The following AGT variants were observed in gnomAD, a reference collection of about 807,000 sequenced individuals.
AGT encodes angiotensinogen, also known as alpha-1 antiproteinase, antitrypsin.
In AGT, 26 loss-of-function variants were observed where a neutral mutation model predicts 28.1. That is an observed-to-expected ratio of 0.92 (90% CI 0.68 to 1.28). The LOEUF is 1.28. Ranked by LOEUF, AGT falls within the 50% of genes most tolerant of loss-of-function variation. The pLI is 0.00. For missense variants in AGT, 596 were observed against 592.3 expected (o/e 1.01, Z -0.06); for synonymous variants, 259 against 259.6 (o/e 1.00, Z 0.02).
rs112290178 is a variant in AGT, at chr1:230,734,406, T to C, written c.-31+11109A>G. ...GCTGGGGGAGGGGAGAATGGGGAGA[T>C]TTTGCTTAATGGGCACAGAATTTCA... On this transcript the variant is annotated intron_variant, in intron 1 of 4. Coordinates refer to the AGT transcript ENST00000681269. 1.6e-3 allele frequency among the ~76,000 whole-genome samples: 246 copies of C among 152,016 alleles called. 3 individuals carry two copies. The highest frequency in any genetic ancestry group is 5.8e-3 in the African/African-American group (239 of 41,444).
At chr1:230,712,766 C>T (rs1663632976) in intron 1 of AGT, among the ~76,000 whole-genome samples, 1 of 152,212 alleles carries the variant, frequency 6.6e-6, no homozygotes, top group South Asian at 2.1e-4. Flanking sequence ...TCTGCGGCTG[C>T]TCCCTAGGCT....
In AGT at chr1:230,704,345, G is replaced by C; in HGVS notation, c.1098-8C>G. Reference sequence around the variant, plus strand: ...ATGGTCAGGTGGATGGTCCTGGGGAGATGATGCACAGTTAGGAAGGCTCCA... The same window carrying C: ...ATGGTCAGGTGGATGGTCCTGGGGACATGATGCACAGTTAGGAAGGCTCCA... On this transcript the variant is annotated splice_region_variant and splice_polypyrimidine_tract_variant and intron_variant, in intron 3 of 4. Coordinates refer to ENST00000366667, the MANE Select transcript of AGT (RefSeq NM_001384479.1). 1 of 1,614,068 alleles carries C rather than the reference G, an allele frequency of 6.2e-7. No homozygotes were observed. Among genetic ancestry groups the C allele is most frequent in the Non-Finnish European group, 8.5e-7 (1 of 1,179,984 alleles).
chr1:230,744,890 T>G (rs1188454731), intron 1 of AGT, among the ~76,000 whole-genome samples: 1 of 152,198 alleles, frequency 6.6e-6, no homozygotes, highest in Non-Finnish European at 1.5e-5. Context: ...TTGAAGGGGA[T>G]GCTCCCAGAG....
intron 1 of AGT, among the ~76,000 whole-genome samples, chr1:230,725,528 T>C (rs1571984151): frequency 1.3e-5 from 2 of 152,322 alleles, no homozygotes; most frequent in South Asian, 4.1e-4. Context: ...CTGCTCACCA[T>C]TTAATAAGTT....
chr1:230,726,274 C>T (rs2102800510), intron 1 of AGT, among the ~76,000 whole-genome samples: 1 of 152,180 alleles, frequency 6.6e-6, no homozygotes, highest in Non-Finnish European at 1.5e-5. Context: ...GTTATTTTCC[C>T]CCATTTTATT....
chr1:230,706,321 C>T (rs1663387323), intron 2 of AGT, 121 bp from the exon 3 acceptor site: 5 of 1,132,478 alleles, frequency 4.4e-6, no homozygotes, highest in South Asian at 1.5e-5. Context: ...CCTTCCTTGG[C>T]CCCCCCCAGG....
intron 1 of AGT, among the ~76,000 whole-genome samples, chr1:230,726,554 G>A (rs1663945995): frequency 6.6e-6 from 1 of 151,830 alleles, no homozygotes; most frequent in Non-Finnish European, 1.5e-5. Context: ...AGGTGGGAGA[G>A]GGCTCTATTT....
At chr1:230,711,816 TAAAAAA>T (rs58359338) in intron 1 of AGT, among the ~76,000 whole-genome samples, 1 of 136,276 alleles carries the variant, frequency 7.3e-6, no homozygotes, top group African/African-American at 2.6e-5. Flanking sequence ...GGACCACGTA[TAAAAAA>T]AAAAAAAAAA....
chr1:230,703,490 C>G (rs895513639), intron 4 of AGT, among the ~76,000 whole-genome samples, 161 bp from the exon 5 acceptor site: 1 of 152,144 alleles, frequency 6.6e-6, no homozygotes, highest in Non-Finnish European at 1.5e-5. Context: ...GTATGCCTGC[C>G]CCTCAGTGTA....
At chr1:230,712,723 G>A (rs1423501756) in intron 1 of AGT, among the ~76,000 whole-genome samples, 4 of 152,206 alleles carry the variant, frequency 2.6e-5, no homozygotes, top group African/African-American at 9.6e-5. Context: ...GGCCATTTTT[G>A]AGGCAGAGAC....
Position 230,732,829 on chromosome 1 carries a change from G to A in AGT, c.-31+12686C>T, listed in dbSNP as rs374534130. Among the ~76,000 whole-genome samples the A allele has an allele frequency of 5.9e-4, 90 of 152,306 alleles. No individual in the cohort carries two copies. The South Asian group carries it at 8.3e-3, about 14-fold the overall frequency. Reference sequence around the variant, plus strand: ...GTCTTGCTGTCTCAAGGGTGGCAGAGGTGGAAGAAAATCCAAGAAGTGGCC... The same window carrying A: ...GTCTTGCTGTCTCAAGGGTGGCAGAAGTGGAAGAAAATCCAAGAAGTGGCC... On this transcript the variant is annotated intron_variant, in intron 1 of 4. Transcript: ENST00000681269.
At chr1:230,741,788 A>C (rs1047188051) in intron 1 of AGT, among the ~76,000 whole-genome samples, 2 of 152,210 alleles carry the variant, frequency 1.3e-5, no homozygotes, top group African/African-American at 4.8e-5. Flanking sequence ...GCTCCTTTGC[A>C]AATGTACAGA....
At chr1:230,731,866 C>CA (rs955228442) in intron 1 of AGT, among the ~76,000 whole-genome samples, 16 of 151,428 alleles carry the variant, frequency 1.1e-4, no homozygotes, top group South Asian at 2.1e-4. Context: ...GACTCCATCT[C>CA]AAAAAAAATA....
chr1:230,741,500 T>C (rs1355122873), intron 1 of AGT, among the ~76,000 whole-genome samples: 1 of 152,218 alleles, frequency 6.6e-6, no homozygotes, highest in East Asian at 1.9e-4. Flanking sequence ...TCTGTTGCCT[T>C]TCAGGAGATG....
intron 1 of AGT, among the ~76,000 whole-genome samples, chr1:230,730,659 T>C (rs553742714): frequency 2.0e-5 from 3 of 152,346 alleles, no homozygotes; most frequent in African/African-American, 7.2e-5. Context: ...AGCAGATTGC[T>C]TGTGGTGTGT....
At chr1:230,742,401 C>G (rs1664263433) in intron 1 of AGT, among the ~76,000 whole-genome samples, 2 of 152,032 alleles carry the variant, frequency 1.3e-5, no homozygotes, top group Non-Finnish European at 2.9e-5. Context: ...CTGCAACCTC[C>G]ACCTCCCGGG....
At chr1:230,742,517 A>C (rs1397882606) in intron 1 of AGT, among the ~76,000 whole-genome samples, 4 of 152,112 alleles carry the variant, frequency 2.6e-5, no homozygotes, top group African/African-American at 9.7e-5. Flanking sequence ...GGGTTTCACT[A>C]TGTTGGCAAG....
intron 2 of AGT, among the ~76,000 whole-genome samples, chr1:230,706,951 C>T (rs896470873): frequency 6.6e-6 from 1 of 152,254 alleles, no homozygotes; most frequent in Non-Finnish European, 1.5e-5. Flanking sequence ...CTGTGGCCCC[C>T]ACCCTCCCCC....
chr1:230,725,106 CT>C (rs1212351251), intron 1 of AGT, among the ~76,000 whole-genome samples: 2 of 152,148 alleles, frequency 1.3e-5, no homozygotes, highest in Non-Finnish European at 2.9e-5. Context: ...GTTTCATTAA[CT>C]TTTAGAAAAA....
Sources: allele counts gnomAD v4.1 joint callset (sites outside exome capture counted in the v4.1 genomes callset), GRCh38; gene constraint gnomAD v4.1.1; transcripts MANE v1.5; gene names NCBI Gene and HGNC (gene_info 2026-07-23, HGNC 2026-07-21).